Variants in OLA1 observed in about 807,000 individuals in gnomAD.
The protein encoded by OLA1 is Obg like ATPase 1.
Under a neutral mutation model 48.4 loss-of-function variants are expected in OLA1, and 14 were observed. The observed-to-expected ratio is 0.29, with a 90% CI of 0.19 to 0.45. The LOEUF (loss-of-function observed/expected upper bound fraction) is 0.45. Among genes scored for constraint, OLA1 ranks in the 20% least tolerant of loss-of-function variants. The pLI, the probability that OLA1 is intolerant of heterozygous loss-of-function variation, is 1.00. For synonymous variants in OLA1, 127 were observed against 150.4 expected, an observed-to-expected ratio of 0.84 and a Z score of 1.14; for missense variants, 325 against 467.1, an observed-to-expected ratio of 0.70 and a Z score of 2.80.
intron 5 of OLA1, among the ~76,000 whole-genome samples, chr2:174,135,371 G>A (rs1004429151): frequency 2.0e-5 from 3 of 152,110 alleles, no homozygotes; most frequent in Non-Finnish European, 4.4e-5. Context: ...TAGGAAATAG[G>A]TAATTTAATC....
rs1291866372 is a variant in OLA1, at chr2:174,163,759, TATATATATATATATATAA to T, written c.374-21777_374-21760del. On this transcript the variant is annotated intron_variant, in intron 4 of 10. Transcript: ENST00000284719. ...ATATATATATATATATATATATATA[TATATATATATATATATAA>T]ATAAATGTTTGGGTGCCTGCTTAGA... 7.2e-3 allele frequency among the ~76,000 whole-genome samples: 267 copies of T among 36,940 alleles called. 22 individuals are homozygous for T. The highest frequency in any genetic ancestry group is 0.047 in the East Asian group (42 of 902). The allele number at this position is 36,940 out of a possible 152,430, so 24.2% of individuals were successfully genotyped here. A position where few individuals can be genotyped will look rare whatever the true frequency, so the allele number is the denominator to read the frequency against.
intron 7 of OLA1, among the ~76,000 whole-genome samples, chr2:174,111,452 T>C (rs939092193): frequency 1.3e-5 from 2 of 152,210 alleles, no homozygotes; most frequent in African/African-American, 2.4e-5. Flanking sequence ...AGTAAATGGA[T>C]AGAAATTTGC....
intron 5 of OLA1, among the ~76,000 whole-genome samples, chr2:174,127,768 C>T (rs1686076142): frequency 6.6e-6 from 1 of 152,062 alleles, no homozygotes; most frequent in Admixed American, 6.6e-5. Flanking sequence ...GGTCCAGGGA[C>T]TCCCAGACCA....
chr2:174,132,374 C>T (rs981079288), intron 5 of OLA1, among the ~76,000 whole-genome samples: 1 of 151,822 alleles, frequency 6.6e-6, no homozygotes, highest in African/African-American at 2.4e-5. Flanking sequence ...AATTGTTTCC[C>T]TTTATCTAAT....
At chr2:174,141,759 T>C in intron 5 of OLA1, 66 bp downstream of exon 5, 1 of 1,237,888 alleles carries the variant, frequency 8.1e-7, no homozygotes, top group South Asian at 1.4e-5. Flanking sequence ...ATATGCATTA[T>C]TTAAAAAATT....
intron 3 of OLA1, among the ~76,000 whole-genome samples, chr2:174,226,902 C>A (rs6741467): frequency 0.36 from 55,187 of 151,744 alleles, 10,698 homozygotes; most frequent in East Asian, 0.78. Context: ...CCAGCCTAGG[C>A]AACATGGCAA....
chr2:174,164,362 T>C (rs537853689), intron 4 of OLA1, among the ~76,000 whole-genome samples: 6 of 151,826 alleles, frequency 4.0e-5, no homozygotes, highest in African/African-American at 1.5e-4. Context: ...CCATTCTGCA[T>C]AGTGCAGAAT....
chr2:174,141,555 T>A (rs1250592524), intron 5 of OLA1, among the ~76,000 whole-genome samples: 4 of 152,184 alleles, frequency 2.6e-5, no homozygotes, highest in Non-Finnish European at 5.9e-5. Context: ...CACACTTTAT[T>A]AACACTAAAA....
intron 10 of OLA1, 39 bp from the exon 11 acceptor site, chr2:174,075,566 T>G: frequency 2.6e-6 from 3 of 1,159,364 alleles, no homozygotes; most frequent in Non-Finnish European, 3.9e-6. Context: ...GTTATTAGTT[T>G]ACAACTAAAT....
chr2:174,190,561 A>T (rs1409063853), intron 4 of OLA1, among the ~76,000 whole-genome samples: 1 of 151,810 alleles, frequency 6.6e-6, no homozygotes, highest in Non-Finnish European at 1.5e-5. Context: ...AGAATTTCAT[A>T]GAATGAAATT....
intron 4 of OLA1, among the ~76,000 whole-genome samples, chr2:174,184,614 A>T (rs1687611931): frequency 6.6e-6 from 1 of 152,218 alleles, no homozygotes; most frequent in Non-Finnish European, 1.5e-5. Flanking sequence ...TGAAGTCTAG[A>T]GTTTAGTTAA....
At chr2:174,166,336 T>G (rs916258928) in intron 4 of OLA1, among the ~76,000 whole-genome samples, 1 of 115,378 alleles carries the variant, frequency 8.7e-6, no homozygotes, top group African/African-American at 2.6e-5. Flanking sequence ...AGAAGCAGTT[T>G]CTTAGACAGA....
At chr2:174,111,502 C>CAT (rs1300298634) in intron 7 of OLA1, among the ~76,000 whole-genome samples, 1 of 152,110 alleles carries the variant, frequency 6.6e-6, no homozygotes, top group Non-Finnish European at 1.5e-5. Flanking sequence ...AATGATAGAA[C>CAT]ATATGTAAAC....
chr2:174,213,311 G>A (rs1004276276), intron 4 of OLA1, among the ~76,000 whole-genome samples: 11 of 152,138 alleles, frequency 7.2e-5, no homozygotes, highest in African/African-American at 2.7e-4. Context: ...AGTACCTATT[G>A]AGAAACCTTA....
At chr2:174,224,148 CA>C (rs2105451546) in intron 3 of OLA1, among the ~76,000 whole-genome samples, 1 of 152,262 alleles carries the variant, frequency 6.6e-6, no homozygotes, top group Non-Finnish European at 1.5e-5. Flanking sequence ...TGAGTCCTTT[CA>C]AAACAATTAT....
At chr2:174,096,643 T>C (rs552725185) in intron 7 of OLA1, among the ~76,000 whole-genome samples, 1 of 152,216 alleles carries the variant, frequency 6.6e-6, no homozygotes, top group East Asian at 1.9e-4. Context: ...GGGGAAGCCA[T>C]TTAAGCCTCC....
At chr2:174,227,375 T>C (rs77716551) in intron 3 of OLA1, among the ~76,000 whole-genome samples, 9,506 of 152,222 alleles carry the variant, frequency 0.062, 351 homozygotes, top group Middle Eastern at 0.14. Flanking sequence ...TAGATGGTAA[T>C]ATGGGGTCAG....
intron 4 of OLA1, among the ~76,000 whole-genome samples, chr2:174,163,317 G>A (rs1687057149): frequency 6.6e-6 from 1 of 152,144 alleles, no homozygotes; most frequent in Non-Finnish European, 1.5e-5. Context: ...AAAAAGAAGA[G>A]AAGTACTTCC....
chr2:174,225,669 G>T (rs67654651), intron 3 of OLA1, among the ~76,000 whole-genome samples: 1 of 152,060 alleles, frequency 6.6e-6, no homozygotes, highest in South Asian at 2.1e-4. Flanking sequence ...CCCAGCCTCA[G>T]GTAACCCTTT....
Sources: allele counts gnomAD v4.1 joint callset (sites outside exome capture counted in the v4.1 genomes callset), GRCh38; gene constraint gnomAD v4.1.1; transcripts MANE v1.5; gene names NCBI Gene and HGNC (gene_info 2026-07-23, HGNC 2026-07-21).